Variants in SAXO5 observed in about 807,000 individuals in gnomAD.
The protein encoded by SAXO5 is stabilizer of axonemal microtubules 5.
At chr19:7,500,095 C>T in the SAXO5 span, among the ~76,000 whole-genome samples, 1 of 151,984 alleles carries the variant, frequency 6.6e-6, no homozygotes, top group Non-Finnish European at 1.5e-5. Context: ...ACCTTCTAAC[C>T]TACTCTTCAA....
the SAXO5 span, among the ~76,000 whole-genome samples, chr19:7,504,705 CA>C: frequency 0.71 from 101,994 of 143,036 alleles, 36,103 homozygotes; most frequent in African/African-American, 0.78. Context: ...GACTCCATCT[CA>C]AAAAAAAAAA....
At chr19:7,502,823 A>G in the SAXO5 span, among the ~76,000 whole-genome samples, 2 of 152,160 alleles carry the variant, frequency 1.3e-5, no homozygotes, top group Non-Finnish European at 2.9e-5. Context: ...CTGAATGTGT[A>G]TGGTGTGTCT....
chr19:7,501,576 C>G, the SAXO5 span, among the ~76,000 whole-genome samples: 2 of 151,894 alleles, frequency 1.3e-5, no homozygotes, highest in African/African-American at 4.8e-5. Flanking sequence ...AACCTCAGCA[C>G]TTTGGGAGTT....
the SAXO5 span, chr19:7,500,762 C>A: frequency 7.3e-7 from 1 of 1,374,516 alleles, no homozygotes; most frequent in South Asian, 1.6e-5. Context: ...AGGCAAGTGC[C>A]CCAATGGGCA....
the SAXO5 span, among the ~76,000 whole-genome samples, chr19:7,504,988 C>CG: frequency 6.0e-5 from 8 of 134,380 alleles, no homozygotes; most frequent in Non-Finnish European, 7.9e-5. Flanking sequence ...TTTTTTTTTT[C>CG]TTTTTTTTTT....
chr19:7,506,940 T>C, the SAXO5 span: 3 of 774,080 alleles, frequency 3.9e-6, no homozygotes, highest in Non-Finnish European at 6.6e-6. Context: ...TCTCCCCTGG[T>C]CAACTTCAGC....
At chr19:7,507,029 C>T in the SAXO5 span, 1 of 1,603,980 alleles carries the variant, frequency 6.2e-7, no homozygotes, top group South Asian at 1.1e-5. Flanking sequence ...ACAGCCCTCA[C>T]TCAGCCTCCC....
At chr19:7,506,408 A>C in the SAXO5 span, 4 of 491,358 alleles carry the variant, frequency 8.1e-6, no homozygotes, top group Non-Finnish European at 1.1e-5. Context: ...CCAGAACCCC[A>C]ACTCTGCTCC....
chr19:7,498,889 C>T, the SAXO5 span: 1 of 152,784 alleles, frequency 6.5e-6, no homozygotes, highest in Non-Finnish European at 1.5e-5. Flanking sequence ...GGCGGAGGGT[C>T]AGGGGAGGCT....
chr19:7,500,304 T>C, the SAXO5 span, among the ~76,000 whole-genome samples: 3 of 143,568 alleles, frequency 2.1e-5, no homozygotes, highest in Non-Finnish European at 4.7e-5. Context: ...ACATGAAAGA[T>C]TTTTTTTTAT....
At chr19:7,502,761 C>T in the SAXO5 span, among the ~76,000 whole-genome samples, 3 of 152,216 alleles carry the variant, frequency 2.0e-5, no homozygotes, top group Non-Finnish European at 4.4e-5. Flanking sequence ...TCAGTTTCCC[C>T]GTCTACAAAA....
the SAXO5 span, chr19:7,506,859 A>T: frequency 2.5e-6 from 1 of 396,798 alleles, no homozygotes. Context: ...CCTCTTTCCC[A>T]GCTCCTCCCC....
the SAXO5 span, among the ~76,000 whole-genome samples, chr19:7,498,054 G>A: frequency 6.6e-6 from 1 of 151,734 alleles, no homozygotes; most frequent in South Asian, 2.1e-4. Flanking sequence ...TGGAGGCTGA[G>A]GTGGGAGAAT....
the SAXO5 span, chr19:7,504,293 A>G: frequency 1.2e-6 from 2 of 1,614,008 alleles, no homozygotes. Context: ...GGGCCTTCCT[A>G]TCCCTGTCTG....
chr19:7,505,349 C>T, the SAXO5 span: 1 of 1,614,224 alleles, frequency 6.2e-7, no homozygotes, highest in Non-Finnish European at 8.5e-7. Flanking sequence ...GGCCACAGCC[C>T]ACATCCACTG....
chr19:7,507,396 A>AAC, the SAXO5 span, among the ~76,000 whole-genome samples: 1 of 152,118 alleles, frequency 6.6e-6, no homozygotes, highest in Non-Finnish European at 1.5e-5. Context: ...CAGCCTGGCC[A>AAC]ACATGGTGAA....
At chr19:7,506,248 CTCCCCATG>C in the SAXO5 span, 2 of 616,446 alleles carry the variant, frequency 3.2e-6, no homozygotes, top group Non-Finnish European at 2.3e-6. Context: ...CATGGAGCCC[CTCCCCATG>C]GAGCCCCGCC....
the SAXO5 span, chr19:7,505,573 T>C: frequency 7.4e-6 from 12 of 1,614,196 alleles, no homozygotes; most frequent in South Asian, 1.1e-5. Flanking sequence ...GAAAGGAAAT[T>C]GGTGCCCCGG....
At chr19:7,500,982 C>T in the SAXO5 span, 1 of 1,537,346 alleles carries the variant, frequency 6.5e-7, no homozygotes, top group Non-Finnish European at 8.7e-7. Context: ...GGCTGCCACC[C>T]GGGAGCCGCC....
Sources: allele counts gnomAD v4.1 joint callset (sites outside exome capture counted in the v4.1 genomes callset), GRCh38; gene constraint gnomAD v4.1.1; transcripts MANE v1.5; gene names NCBI Gene and HGNC (gene_info 2026-07-23, HGNC 2026-07-21).